The following PCLO variants were observed in gnomAD, a reference collection of about 807,000 sequenced individuals.
PCLO encodes the protein protein piccolo.
A neutral mutation model predicts 427.5 loss-of-function variants in PCLO; 82 were observed. The observed-to-expected ratio is 0.19, with a 90% CI of 0.16 to 0.23. The LOEUF is 0.23. Among genes scored for constraint, PCLO ranks in the 10% least tolerant of loss-of-function variants. The pLI is 1.00. For synonymous variants in PCLO, 2,357 were observed against 2,155.4 expected, an observed-to-expected ratio of 1.09 and a Z score of -2.59; for missense variants, 6,239 against 6,115.9, an observed-to-expected ratio of 1.02 and a Z score of -0.67.
chr7:82,963,663 C>T (rs1795701746), intron 4 of PCLO, among the ~76,000 whole-genome samples: 1 of 151,926 alleles, frequency 6.6e-6, no homozygotes, highest in Admixed American at 6.6e-5. Context: ...AATATTAAAA[C>T]ATAATCAGTG....
chr7:83,100,902 T>C (rs1278309367), intron 3 of PCLO, among the ~76,000 whole-genome samples: 3 of 152,156 alleles, frequency 2.0e-5, no homozygotes, highest in Non-Finnish European at 4.4e-5. Flanking sequence ...CACAGCGATA[T>C]ACAAACACAT....
chr7:82,826,715 A>G lies in PCLO; in HGVS notation c.14344-55T>C, dbSNP rs1791954692. On this transcript the variant is annotated intron_variant, in intron 17 of 24. Coordinates refer to ENST00000333891, the MANE Select transcript of PCLO (RefSeq NM_033026.6). ...ACCTATCTTTCCATCATACATTTTC[A>G]TTACACACATACAGTAGACATATTT... The G allele has an allele frequency of 2.2e-5, 24 of 1,089,880 alleles. No individual in the cohort carries two copies. The South Asian group carries it at 3.0e-4, about 14-fold the overall frequency. 67.5% of individuals were successfully genotyped at this position (1,089,880 alleles called of 1,614,324 possible).
chr7:83,155,353 G>A lies in PCLO; in HGVS notation c.1288C>T (p.Pro430Ser). The A allele has an allele frequency of 6.2e-7, 1 of 1,613,846 alleles. No individual in the cohort carries two copies. The highest frequency in any genetic ancestry group is 8.5e-7 in the Non-Finnish European group (1 of 1,179,862). The change falls in exon 2 of 25, where the codon CCA (proline) becomes TCA (serine). Residue 430 changes from proline (P) to serine (S), a missense_variant. Around this residue, in one of 5 missense-constraint regions of PCLO, gnomAD observed 4,677 missense variants for 4,468.4 expected, o/e 1.05. Coordinates refer to ENST00000333891, the MANE Select transcript of PCLO (RefSeq NM_033026.6). ...PLAQQPGLQS[P>S]AKAPGPTKTP... ...TTTGTAGGCCCAGGTGCCTTAGCTGGAGACTGTAGCCCAGGTTGTTGAGCT... is the reference window on the plus strand; with the variant it reads ...TTTGTAGGCCCAGGTGCCTTAGCTGAAGACTGTAGCCCAGGTTGTTGAGCT...
chr7:83,051,054 G>A (rs939670905), intron 3 of PCLO, among the ~76,000 whole-genome samples: 6 of 152,012 alleles, frequency 3.9e-5, no homozygotes, highest in Non-Finnish European at 4.4e-5. Context: ...GGAATAGAGG[G>A]GAACTTTCTC....
chr7:82,955,530 T>C lies in PCLO; in HGVS notation c.5423A>G (p.Lys1808Arg). The stretch of plus-strand genomic sequence containing the variant: ...AGCTCGAAGTTCATCTTTGTCTTTC[T>C]TTGATTTTTTACTAGAACTCTTTCT... ...QQRKSSSKKS[K>R]KDKDELRAQR... is the part of the protein sequence containing the mutation. Residue 1808 changes from lysine to arginine, a missense_variant, in exon 5 of 25, where the codon AAG becomes AGG. Lys to Arg is a conservative substitution (Grantham distance 26). This residue lies in a region of PCLO where 4,677 missense variants were observed against 4,468.4 expected (regional missense o/e 1.05). Transcript: ENST00000333891. 3 of 1,613,966 alleles carry C rather than the reference T, an allele frequency of 1.9e-6. No individual in the cohort carries two copies. Among genetic ancestry groups the C allele is most frequent in the Non-Finnish European group, 2.5e-6 (3 of 1,179,876 alleles).
Position 83,064,807 on chromosome 7 carries a change from T to C in PCLO, c.3300+69443A>G, listed in dbSNP as rs924046148. Reference sequence around the variant, plus strand: ...TTTCTTAGAACATAGTGGACATTCATGCTCTCTCCGAGAGATGTGAAAATA... The same window carrying C: ...TTTCTTAGAACATAGTGGACATTCACGCTCTCTCCGAGAGATGTGAAAATA... On this transcript the variant is annotated intron_variant, in intron 3 of 24. Coordinates refer to ENST00000333891, the MANE Select transcript of PCLO (RefSeq NM_033026.6). Among the ~76,000 whole-genome samples, 4 of 151,978 alleles carry C rather than the reference T, an allele frequency of 2.6e-5. 1 individual carries two copies. Among genetic ancestry groups the C allele is most frequent in the Non-Finnish European group, 5.9e-5 (4 of 67,898 alleles).
In PCLO at chr7:82,914,979, C is replaced by T. The variant is rs375926854; in HGVS notation, c.13007G>A (p.Arg4336Lys). ...AATTGGCAAACTGGTCGGCTTAGTT[C>T]TGGCAGAGGATGATGCATGACTAAA... ...VSFSHASSSA[R>K]TKPTSLPISQ... Residue 4336 changes from arginine (R) to lysine (K), a missense_variant, in exon 7 of 25, where the codon AGA (arginine) becomes AAA (lysine). Transcript: ENST00000333891. 4 of 1,613,692 alleles carry T rather than the reference C, an allele frequency of 2.5e-6. No individual in the cohort carries two copies. The highest frequency in any genetic ancestry group is 3.4e-6 in the Non-Finnish European group (4 of 1,179,756).
intron 3 of PCLO, among the ~76,000 whole-genome samples, chr7:83,059,524 CAA>C (rs1318219908): frequency 6.6e-6 from 1 of 151,360 alleles, no homozygotes; most frequent in African/African-American, 2.4e-5. Context: ...CTAATATAGA[CAA>C]GAGTGACTAT....
At chr7:83,086,496 A>C (rs1790235904) in intron 3 of PCLO, among the ~76,000 whole-genome samples, 1 of 145,560 alleles carries the variant, frequency 6.9e-6, no homozygotes, top group Admixed American at 6.9e-5. Flanking sequence ...GGAAAAAAAA[A>C]ACATTTCCTA....
chr7:82,794,095 A>C (rs1240758913), intron 22 of PCLO, among the ~76,000 whole-genome samples: 1 of 151,950 alleles, frequency 6.6e-6, no homozygotes, highest in African/African-American at 2.4e-5. Flanking sequence ...ATATCGTTTG[A>C]ATTCTTATCT....
At chr7:82,827,600 T>G (rs2115684626) in intron 17 of PCLO, among the ~76,000 whole-genome samples, 1 of 152,258 alleles carries the variant, frequency 6.6e-6, no homozygotes. Context: ...TTAAAAATTT[T>G]AAATTCTGAA....
chr7:83,001,911 G>T (rs369606910), intron 3 of PCLO, among the ~76,000 whole-genome samples: 1 of 151,948 alleles, frequency 6.6e-6, no homozygotes. Flanking sequence ...CTACATAAAG[G>T]TTTGGGATTC....
intron 16 of PCLO, 38 bp downstream of exon 16, chr7:82,835,629 A>G: frequency 6.4e-7 from 1 of 1,571,728 alleles, no homozygotes; most frequent in Non-Finnish European, 8.7e-7. Context: ...TTCAAGACAT[A>G]GCAGCAGAGC....
At chr7:83,082,296 T>C (rs997457908) in intron 3 of PCLO, among the ~76,000 whole-genome samples, 3 of 151,658 alleles carry the variant, frequency 2.0e-5, no homozygotes, top group African/African-American at 7.2e-5. Flanking sequence ...ATAGAACGTG[T>C]GTAAAAATAT....
At chr7:83,154,374 T>C (rs991265713) in intron 2 of PCLO, among the ~76,000 whole-genome samples, 1 of 152,188 alleles carries the variant, frequency 6.6e-6, no homozygotes, top group Non-Finnish European at 1.5e-5. Flanking sequence ...CTAACACAAA[T>C]ATAAATAACA....
rs369784223 is a variant in PCLO, at chr7:82,953,572, T to C, written c.7381A>G (p.Thr2461Ala). The change falls in exon 5 of 25, where the codon ACT becomes GCT. Residue 2461 changes from threonine to alanine, a missense_variant. Around this residue, in one of 5 missense-constraint regions of PCLO, gnomAD observed 4,677 missense variants for 4,468.4 expected, o/e 1.05. Transcript: ENST00000333891. ...CTCAGAACAGCTGTGGTCTCTAGAG[T>C]AGTAACAGCATCAAACAGAGGTGTA... The part of the protein sequence containing the change: ...TATPLFDAVT[T>A]LETTAVLRSN... 3.1e-6 allele frequency: 5 copies of C among 1,611,520 alleles called. No homozygotes were observed. The highest frequency in any genetic ancestry group is 1.3e-5 in the African/African-American group (1 of 74,602).
intron 20 of PCLO, among the ~76,000 whole-genome samples, chr7:82,816,532 T>C (rs1490295571): frequency 6.6e-6 from 1 of 152,160 alleles, no homozygotes; most frequent in Non-Finnish European, 1.5e-5. Context: ...AATAATTGCA[T>C]TACAAAAACT....
At chr7:82,965,316 C>CTTT (rs544516132) in intron 4 of PCLO, among the ~76,000 whole-genome samples, 5 of 123,074 alleles carry the variant, frequency 4.1e-5, no homozygotes, top group African/African-American at 1.6e-4. Flanking sequence ...TTCTTTCTTT[C>CTTT]TTTTTTTTTT....
intron 3 of PCLO, among the ~76,000 whole-genome samples, chr7:83,119,522 C>A (rs1375555245): frequency 6.6e-6 from 1 of 152,002 alleles, no homozygotes; most frequent in Non-Finnish European, 1.5e-5. Context: ...CAAAACCCAA[C>A]TCATTTCCCT....
Sources: gnomAD v4.1 joint callset for allele counts (sites outside exome capture counted in the v4.1 genomes callset) on GRCh38, gnomAD v4.1.1 for gene constraint, gnomAD v4.1.1 regional missense constraint, MANE v1.5 for transcripts, NCBI Gene and HGNC (gene_info 2026-07-23, HGNC 2026-07-21) for gene names.